CADPS: variants seen among roughly 807,000 people sequenced by gnomAD.
CADPS encodes the protein calcium-dependent secretion activator 1.
CADPS carries 57 observed loss-of-function variants against 167.3 expected under a neutral mutation model. The observed-to-expected ratio is 0.34, with a 90% CI of 0.28 to 0.42. The LOEUF (loss-of-function observed/expected upper bound fraction) is 0.42. CADPS is among the 20% of genes least tolerant of loss of function. The probability of loss-of-function intolerance (pLI) is 1.00; values close to 1 mark genes in which losing one functional copy is unlikely to be tolerated. For synonymous variants in CADPS, 676 were observed against 635.3 expected, an observed-to-expected ratio of 1.06 and a Z score of -0.96; for missense variants, 1,414 against 1,738.1, an observed-to-expected ratio of 0.81 and a Z score of 3.32.
intron 16 of CADPS, chr3:62,513,583 A>G: frequency 8.5e-7 from 1 of 1,177,418 alleles, no homozygotes; most frequent in Non-Finnish European, 1.2e-6. Flanking sequence ...TTTTCTTGAA[A>G]TAATGAAAAC....
rs554127805 is a variant in CADPS, at chr3:62,873,860, C to T, written c.441+729G>A. Among the ~76,000 whole-genome samples, 11 of 152,176 alleles carry T rather than the reference C, an allele frequency of 7.2e-5. No homozygotes were observed. The East Asian group carries it at 1.9e-3, about 27-fold the overall frequency. On this transcript the variant is annotated intron_variant, in intron 1 of 29. Transcript: ENST00000383710. ...GGAGGGGCTGACCCGGACGGAAGGA[C>T]CAGAGGGCGTGCCCCTGCTCTGGGG... is the stretch of plus-strand genomic sequence containing the variant.
intron 6 of CADPS, among the ~76,000 whole-genome samples, chr3:62,638,541 A>G (rs1003770496): frequency 6.6e-6 from 1 of 152,158 alleles, no homozygotes; most frequent in Non-Finnish European, 1.5e-5. Flanking sequence ...GAAATGACCT[A>G]CAGTCACTTA....
chr3:62,610,490 A>T (rs2061358697), intron 6 of CADPS, among the ~76,000 whole-genome samples: 1 of 152,128 alleles, frequency 6.6e-6, no homozygotes, highest in Non-Finnish European at 1.5e-5. Context: ...ACCTCAAGTG[A>T]TCCACCCACC....
At chr3:62,730,715 CTT>C (rs1224222691) in intron 3 of CADPS, among the ~76,000 whole-genome samples, 2 of 152,202 alleles carry the variant, frequency 1.3e-5, no homozygotes, top group African/African-American at 4.8e-5. Flanking sequence ...GCAGAAGTCT[CTT>C]TCTGTTCTTC....
At chr3:62,864,232 T>C (rs751173740) in intron 1 of CADPS, among the ~76,000 whole-genome samples, 5 of 152,188 alleles carry the variant, frequency 3.3e-5, no homozygotes, top group Non-Finnish European at 5.9e-5. Flanking sequence ...CTGATGCAAA[T>C]GGCTAAATGT....
intron 13 of CADPS, among the ~76,000 whole-genome samples, chr3:62,528,119 A>G (rs935734395): frequency 4.6e-5 from 7 of 152,200 alleles, no homozygotes; most frequent in African/African-American, 1.7e-4. Flanking sequence ...CTGCTGTAGC[A>G]TCTCACCTGG....
At chr3:62,765,448 C>A (rs1215620793) in intron 2 of CADPS, among the ~76,000 whole-genome samples, 2 of 152,078 alleles carry the variant, frequency 1.3e-5, no homozygotes, top group African/African-American at 2.4e-5. Context: ...TTGGGAGGTG[C>A]TAACATCCTT....
chr3:62,698,990 G>A lies in CADPS; in HGVS notation c.889-36596C>T, dbSNP rs1379190387. On this transcript the variant is annotated intron_variant, in intron 3 of 29. Transcript: ENST00000383710. ...TTTATTTTTACTTCAGTAGGTTTTT[G>A]GGGAACAGGTGGTGTTTGGTTACAT... 2.6e-5 allele frequency among the ~76,000 whole-genome samples: 4 copies of A among 151,570 alleles called. 1 individual carries two copies. Among genetic ancestry groups the A allele is most frequent in the African/African-American group, 9.7e-5 (4 of 41,146 alleles).
At chr3:62,687,698 T>C (rs1164936334) in intron 3 of CADPS, among the ~76,000 whole-genome samples, 5 of 151,648 alleles carry the variant, frequency 3.3e-5, no homozygotes, top group Admixed American at 6.6e-5. Context: ...ACATTGTGTA[T>C]TGAGTTTTCA....
chr3:62,764,726 A>C (rs747222443), intron 2 of CADPS, among the ~76,000 whole-genome samples: 1 of 152,228 alleles, frequency 6.6e-6, no homozygotes, highest in African/African-American at 2.4e-5. Context: ...TGTGGGCTGA[A>C]TCAGATGGGC....
In CADPS at chr3:62,601,017, A is replaced by G. The variant is rs2059881196; in HGVS notation, c.1326-8269T>C. On this transcript the variant is annotated intron_variant, in intron 6 of 29. Coordinates refer to ENST00000383710, the MANE Select transcript of CADPS (RefSeq NM_003716.4). This position sits in a 1 kb window ranked among gnomAD's most constrained non-coding sequence, Gnocchi z 4.3. ...CGGAAGGATATGTAGGACATAAGCT[A>G]TTGGATATGTGGTGTTTACCTCAAT... Among the ~76,000 whole-genome samples the G allele has an allele frequency of 6.6e-6, 1 of 152,156 alleles. No homozygotes were observed. Among genetic ancestry groups the G allele is most frequent in the Non-Finnish European group, 1.5e-5 (1 of 68,038 alleles).
At chr3:62,787,868 C>A (rs889926125) in intron 1 of CADPS, among the ~76,000 whole-genome samples, 2 of 152,032 alleles carry the variant, frequency 1.3e-5, no homozygotes, top group South Asian at 4.2e-4. Context: ...GTAAGTATGC[C>A]AAAATGTTAG....
At chr3:62,784,653 A>G (rs1333036645) in intron 1 of CADPS, among the ~76,000 whole-genome samples, 1 of 152,122 alleles carries the variant, frequency 6.6e-6, no homozygotes, top group Non-Finnish European at 1.5e-5. Context: ...GGGAATGGAG[A>G]GAACTATGTT....
intron 1 of CADPS, among the ~76,000 whole-genome samples, chr3:62,829,793 C>CAG (rs1277602104): frequency 6.6e-6 from 1 of 152,104 alleles, no homozygotes; most frequent in Non-Finnish European, 1.5e-5. Flanking sequence ...CACTTTGATA[C>CAG]AGAGCCAAAA....
chr3:62,773,773 G>GA (rs1386228655), intron 1 of CADPS, among the ~76,000 whole-genome samples: 1 of 151,936 alleles, frequency 6.6e-6, no homozygotes, highest in Non-Finnish European at 1.5e-5. Context: ...TGTTTCTTTA[G>GA]AAAAAATGTA....
At chr3:62,724,836 A>T (rs2076448077) in intron 3 of CADPS, among the ~76,000 whole-genome samples, 1 of 152,244 alleles carries the variant, frequency 6.6e-6, no homozygotes, top group South Asian at 2.1e-4. Flanking sequence ...TCCACTGCTG[A>T]AAACCCTCCA....
chr3:62,725,184 G>T (rs76087460), intron 3 of CADPS, among the ~76,000 whole-genome samples: 11,677 of 152,146 alleles, frequency 0.077, 581 homozygotes, highest in Non-Finnish European at 0.11. Context: ...TAGTAGAACT[G>T]TCTCGAATGA....
intron 3 of CADPS, among the ~76,000 whole-genome samples, chr3:62,690,375 G>T (rs931357121): frequency 8.6e-5 from 13 of 151,988 alleles, no homozygotes; most frequent in Non-Finnish European, 1.3e-4. Flanking sequence ...GGAAAATACA[G>T]TTGACTTTTC....
chr3:62,407,327 G>A lies in CADPS; in HGVS notation c.3778-4142C>T, dbSNP rs540095564. ...GCATGCCTTATAGGACACACAAGTAGCCCCTTAACCATGCAATTGTGTTGT... is the reference window on the plus strand; with the variant it reads ...GCATGCCTTATAGGACACACAAGTAACCCCTTAACCATGCAATTGTGTTGT... On this transcript the variant is annotated intron_variant, in intron 28 of 29. Coordinates refer to ENST00000383710, the MANE Select transcript of CADPS (RefSeq NM_003716.4). Among the ~76,000 whole-genome samples, 3 of 152,292 alleles carry A rather than the reference G, an allele frequency of 2.0e-5. No homozygotes were observed. In the South Asian group the frequency reaches 6.2e-4, roughly 32 times the overall value.
Sources: allele counts gnomAD v4.1 joint callset (sites outside exome capture counted in the v4.1 genomes callset), GRCh38; gene constraint gnomAD v4.1.1; non-coding constraint Gnocchi (gnomAD v3.1); transcripts MANE v1.5; gene names NCBI Gene and HGNC (gene_info 2026-07-23, HGNC 2026-07-21).